The following KDM3B variants were observed in gnomAD, a reference collection of about 807,000 sequenced individuals.
The protein encoded by KDM3B is lysine demethylase 3B.
A neutral mutation model predicts 170.0 loss-of-function variants in KDM3B; 10 were observed. The observed-to-expected ratio is 0.06, with a 90% confidence interval of 0.04 to 0.10. The LOEUF is 0.10. Ranked by LOEUF, KDM3B falls within the 10% of genes least tolerant of loss-of-function variation. The pLI, the probability that KDM3B is intolerant of heterozygous loss-of-function variation, is 1.00. For missense variants in KDM3B, 1,394 were observed against 2,195.2 expected (o/e 0.64, Z 7.29); for synonymous variants, 831 against 834.8 (o/e 1.00, Z 0.08).
chr5:138,434,408 CATG>C (rs1763621285), intron 23 of KDM3B, among the ~76,000 whole-genome samples: 1 of 152,032 alleles, frequency 6.6e-6, no homozygotes, highest in Non-Finnish European at 1.5e-5. Flanking sequence ...ATTAGCCAGG[CATG>C]GTGGTGGGCG....
intron 1 of KDM3B, among the ~76,000 whole-genome samples, chr5:138,368,424 C>T (rs991823969): frequency 5.3e-5 from 8 of 151,570 alleles, no homozygotes; most frequent in Non-Finnish European, 8.8e-5. Flanking sequence ...TTTGTAGAGA[C>T]AGGATCTTGC....
At chr5:138,417,100 C>T (rs940348268) in intron 12 of KDM3B, among the ~76,000 whole-genome samples, 1 of 152,202 alleles carries the variant, frequency 6.6e-6, no homozygotes, top group Non-Finnish European at 1.5e-5. Context: ...GGATTAGAGG[C>T]GTGAGCCACC....
intron 1 of KDM3B, among the ~76,000 whole-genome samples, chr5:138,366,057 C>CTGT (rs1393011855): frequency 6.6e-6 from 1 of 151,986 alleles, no homozygotes; most frequent in African/African-American, 2.4e-5. Flanking sequence ...GGCTAAAATA[C>CTGT]TGTTCACTCT....
In KDM3B at chr5:138,417,463, T is replaced by C. The variant is rs1165309965; in HGVS notation, c.3308-20T>C. 1.9e-6 allele frequency: 3 copies of C among 1,612,918 alleles called. No homozygotes were observed. Among genetic ancestry groups the C allele is most frequent in the Non-Finnish European group, 2.5e-6 (3 of 1,179,058 alleles). On this transcript the variant is annotated intron_variant, in intron 12 of 23. Transcript: ENST00000314358. ...TATGAGTATTCTGGTGTTATTTTTA[T>C]TGTTACATTTTTTTCCCAGCTCTTT... is the stretch of plus-strand genomic sequence containing the variant.
At chr5:138,430,111 G>A (rs1763493547) in intron 21 of KDM3B, 138 bp from the exon 22 acceptor site, 4 of 1,362,414 alleles carry the variant, frequency 2.9e-6, no homozygotes, top group Non-Finnish European at 4.0e-6. Flanking sequence ...CCAAAGGCTT[G>A]AATCCACACC....
In KDM3B at chr5:138,435,741, C is replaced by A; in HGVS notation, c.*41C>A. ...AAGCTCCTCTGTGAAGCAGGTCTTT[C>A]ACTCACAACACTTAACAGGGAACGG... On this transcript the variant is annotated 3_prime_UTR_variant, in exon 24 of 24. Transcript: ENST00000314358. The A allele has an allele frequency of 6.9e-7, 1 of 1,445,440 alleles. No individual in the cohort carries two copies. The highest frequency in any genetic ancestry group is 9.7e-7 in the Non-Finnish European group (1 of 1,035,138). The allele number at this position is 1,445,440 out of a possible 1,614,324, so 89.5% of individuals were successfully genotyped here. A position where few individuals can be genotyped will look rare whatever the true frequency, so the allele number is the denominator to read the frequency against.
rs761180299 is a variant in KDM3B, at chr5:138,379,659, T to C, written c.656T>C (p.Val219Ala). 1 of 1,613,470 alleles carries C rather than the reference T, an allele frequency of 6.2e-7. No homozygotes were observed. The highest frequency in any genetic ancestry group is 8.5e-7 in the Non-Finnish European group (1 of 1,179,508). The change falls in exon 5 of 24, where the codon GTG (valine) becomes GCG (alanine). Residue 219 changes from valine to alanine, a missense_variant. By Grantham distance (64) the Val-to-Ala change is moderately conservative. Transcript: ENST00000314358. Reference protein sequence around the residue: ...EGEEGWLYGVVSHQDSITRLM... With the variant: ...EGEEGWLYGVASHQDSITRLM... ...GAAGAAGGGTGGCTCTATGGTGTTG[T>C]GAGCCATCAGGACTCCATCACTCGT...
At chr5:138,361,515 A>G (rs1370676935) in intron 1 of KDM3B, among the ~76,000 whole-genome samples, 1 of 152,182 alleles carries the variant, frequency 6.6e-6, no homozygotes, top group East Asian at 1.9e-4. Flanking sequence ...TCTGCTCTAG[A>G]GACCAAATTA....
At chr5:138,361,335 A>G (rs1180013242) in intron 1 of KDM3B, among the ~76,000 whole-genome samples, 2 of 83,036 alleles carry the variant, frequency 2.4e-5, no homozygotes, top group African/African-American at 8.9e-5. Context: ...AAGGGCTGAA[A>G]CTCCTTTTTT....
At chr5:138,364,847 C>G (rs919240851) in intron 1 of KDM3B, among the ~76,000 whole-genome samples, 1 of 152,110 alleles carries the variant, frequency 6.6e-6, no homozygotes, top group African/African-American at 2.4e-5. Flanking sequence ...TTCTGCAACC[C>G]CTGAAAGCAC....
In KDM3B at chr5:138,430,013, C is replaced by T. The variant is rs372073588; in HGVS notation, c.4893+48C>T. ...CTCCCAGCTCACATATCAAGAGTCT[C>T]GTTGCTGAGACACCCTATCTAGGGT... On this transcript the variant is annotated intron_variant, in intron 21 of 23. Coordinates refer to ENST00000314358, the MANE Select transcript of KDM3B (RefSeq NM_016604.4). The T allele has an allele frequency of 5.4e-4, 870 of 1,603,510 alleles. 7 individuals carry two copies. In the South Asian group the frequency reaches 7.5e-3, roughly 14 times the overall value.
intron 9 of KDM3B, among the ~76,000 whole-genome samples, chr5:138,396,420 C>T (rs1762549132): frequency 1.3e-5 from 2 of 152,030 alleles, no homozygotes; most frequent in Admixed American, 1.3e-4. Context: ...TTTAGAGGAA[C>T]TTTGCTCAAG....
chr5:138,359,976 G>A (rs1222253467), intron 1 of KDM3B, among the ~76,000 whole-genome samples: 2 of 152,176 alleles, frequency 1.3e-5, no homozygotes, highest in Admixed American at 6.5e-5. Context: ...TCCAGGAGGA[G>A]TGAAAGTGTA....
intron 1 of KDM3B, among the ~76,000 whole-genome samples, chr5:138,361,821 C>G (rs1417841010): frequency 6.6e-6 from 1 of 152,154 alleles, no homozygotes; most frequent in African/African-American, 2.4e-5. Flanking sequence ...GTTCCTTTAG[C>G]ACTTTGTGGA....
At position 138,381,578 on chromosome 5, in the gene KDM3B, G is replaced by A. The variant is rs1238482360; in HGVS notation, c.768G>A (p.Ala256=). ...LIHVMLMDNS[A]PQSEGGTLKA... Reference sequence around the variant, plus strand: ...ATGTGATGCTGATGGATAATTCAGCGCCTCAAAGCGAGGTACAGTAATGGA... The same window carrying A: ...ATGTGATGCTGATGGATAATTCAGCACCTCAAAGCGAGGTACAGTAATGGA... Residue 256 remains alanine (A), a synonymous_variant, in exon 6 of 24, where the codon GCG becomes GCA. Coordinates refer to ENST00000314358, the MANE Select transcript of KDM3B (RefSeq NM_016604.4). 2 of 1,595,262 alleles carry A rather than the reference G, an allele frequency of 1.3e-6. No homozygotes were observed. Among genetic ancestry groups the A allele is most frequent in the African/African-American group, 1.3e-5 (1 of 74,692 alleles).
At chr5:138,360,600 G>A (rs1299912993) in intron 1 of KDM3B, among the ~76,000 whole-genome samples, 1 of 129,280 alleles carries the variant, frequency 7.7e-6, no homozygotes, top group Non-Finnish European at 1.6e-5. Context: ...TTGAGACGGA[G>A]TCTCACTTTC....
At chr5:138,425,225 G>C (rs189860871) in intron 16 of KDM3B, among the ~76,000 whole-genome samples, 186 bp from the exon 17 acceptor site, 2 of 152,234 alleles carry the variant, frequency 1.3e-5, no homozygotes, top group Admixed American at 1.3e-4. Context: ...CATAACAATG[G>C]AGTAGAAGCA....
Position 138,429,890 on chromosome 5 carries a change from A to G in KDM3B, c.4818A>G (p.Gly1606=). The change falls in exon 21 of 24, where the codon GGA becomes GGG. Residue 1606 remains glycine (G), a synonymous_variant. Transcript: ENST00000314358. ...DEVTKQRIHD[G]KEKPGALWHI... ...TGACGAAGCAGAGGATTCATGATGG[A>G]AAAGAGAAGCCAGGTGCTTTATGGC... The G allele has an allele frequency of 6.2e-7, 1 of 1,614,236 alleles. No homozygotes were observed. Among genetic ancestry groups the G allele is most frequent in the Non-Finnish European group, 8.5e-7 (1 of 1,180,028 alleles).
Position 138,386,221 on chromosome 5 carries a change from G to A in KDM3B, c.980G>A (p.Gly327Glu). Reference sequence around the variant, plus strand: ...GCAAGCCGAGGGCCCTGGAAAGGAGGGAATGCCAGTGGAGAGCCAGGGCTG... The same window carrying A: ...GCAAGCCGAGGGCCCTGGAAAGGAGAGAATGCCAGTGGAGAGCCAGGGCTG... ...GEASRGPWKG[G>E]NASGEPGLDQ... Residue 327 changes from glycine to glutamate, a missense_variant, in exon 7 of 24, where the codon GGG becomes GAG. This residue lies in a region of KDM3B where 205 missense variants were observed against 227.6 expected (regional missense o/e 0.90). Transcript: ENST00000314358. 2 of 1,614,124 alleles carry A rather than the reference G, an allele frequency of 1.2e-6. No individual in the cohort carries two copies. The highest frequency in any genetic ancestry group is 1.6e-4 in the Middle Eastern group (1 of 6,062).
Sources: gnomAD v4.1 joint callset for allele counts (sites outside exome capture counted in the v4.1 genomes callset) on GRCh38, gnomAD v4.1.1 for gene constraint, gnomAD v4.1.1 regional missense constraint, MANE v1.5 for transcripts, NCBI Gene and HGNC (gene_info 2026-07-23, HGNC 2026-07-21) for gene names.